Variants in TRDN observed in about 807,000 individuals in gnomAD.
The protein encoded by TRDN is triadin in skeletal muscle.
TRDN carries 161 observed loss-of-function variants against 149.7 expected under a neutral mutation model. The observed-to-expected ratio is 1.08, with a 90% CI of 0.95 to 1.23. TRDN has a LOEUF of 1.23. Ranked by LOEUF, TRDN falls within the 50% of genes most tolerant of loss-of-function variation. The pLI is 0.00. For synonymous variants in TRDN, 294 were observed against 250.5 expected (o/e 1.17, Z -1.64); for missense variants, 896 against 823.5 (o/e 1.09, Z -1.08).
intron 13 of TRDN, chr6:123,389,507 C>T (rs1401130125): frequency 6.6e-6 from 1 of 152,068 alleles, no homozygotes; most frequent in Non-Finnish European, 1.5e-5. Context: ...TCATCCTGAC[C>T]TTGTTATAAA....
chr6:123,539,067 T>TG (rs1358144456), intron 4 of TRDN, among the ~76,000 whole-genome samples: 1 of 152,168 alleles, frequency 6.6e-6, no homozygotes, highest in Non-Finnish European at 1.5e-5. Context: ...GAGAATTATC[T>TG]GGGGAGATTT....
chr6:123,591,389 G>A lies in TRDN; in HGVS notation c.23-20257C>T, dbSNP rs1016495012. ...GCCTCCTGAGTAGCTGGGATTACAG[G>A]CATGCCCCACCACGCCCAGCTAATT... On this transcript the variant is annotated intron_variant, in intron 1 of 40. Coordinates refer to ENST00000334268, the MANE Select transcript of TRDN (RefSeq NM_006073.4). Among the ~76,000 whole-genome samples, 8 of 152,164 alleles carry A rather than the reference G, an allele frequency of 5.3e-5. No homozygotes were observed. The Middle Eastern group carries it at 0.01, about 194-fold the overall frequency.
chr6:123,476,604 C>G (rs1414629089), intron 9 of TRDN, among the ~76,000 whole-genome samples: 1 of 148,146 alleles, frequency 6.8e-6, no homozygotes, highest in Non-Finnish European at 1.5e-5. Flanking sequence ...ATCGCCAAGT[C>G]AATCCTAAGC....
chr6:123,270,605 GTATGTA>G (rs1268109615), intron 30 of TRDN, among the ~76,000 whole-genome samples: 1 of 151,880 alleles, frequency 6.6e-6, no homozygotes, highest in Non-Finnish European at 1.5e-5. Context: ...AATTGCAAGA[GTATGTA>G]TCTTTTCTTT....
At chr6:123,441,120 A>G (rs1206364112) in intron 10 of TRDN, 1 of 152,178 alleles carries the variant, frequency 6.6e-6, no homozygotes, top group Non-Finnish European at 1.5e-5. Context: ...CATTTCCTCA[A>G]GCACTATTGT....
At chr6:123,404,065 A>C (rs947778978) in intron 12 of TRDN, among the ~76,000 whole-genome samples, 5 of 152,172 alleles carry the variant, frequency 3.3e-5, no homozygotes, top group Non-Finnish European at 5.9e-5. Context: ...CCACTTAATA[A>C]ATAGTTAAGA....
At chr6:123,557,633 G>A (rs1046337298) in intron 2 of TRDN, among the ~76,000 whole-genome samples, 25 of 152,154 alleles carry the variant, frequency 1.6e-4, no homozygotes, top group South Asian at 4.2e-4. Context: ...TTAATCACGC[G>A]GGGACAACTG....
chr6:123,552,474 T>C (rs1281450779), intron 2 of TRDN, among the ~76,000 whole-genome samples: 2 of 152,108 alleles, frequency 1.3e-5, no homozygotes, highest in Admixed American at 1.3e-4. Flanking sequence ...CCCTTCTTTA[T>C]TTTTCATATC....
intron 12 of TRDN, among the ~76,000 whole-genome samples, chr6:123,400,737 T>C (rs1010081105): frequency 6.6e-6 from 1 of 152,164 alleles, no homozygotes; most frequent in Non-Finnish European, 1.5e-5. Context: ...GATCTAAATA[T>C]AGCACTTAAA....
intron 4 of TRDN, among the ~76,000 whole-genome samples, chr6:123,533,411 G>GA (rs992559694): frequency 1.3e-5 from 2 of 152,036 alleles, no homozygotes; most frequent in Admixed American, 6.6e-5. Context: ...CATCTTGCCT[G>GA]AAAAAATCCT....
At chr6:123,296,629 C>T (rs1188977685) in intron 24 of TRDN, among the ~76,000 whole-genome samples, 1 of 151,304 alleles carries the variant, frequency 6.6e-6, no homozygotes, top group African/African-American at 2.4e-5. Flanking sequence ...AATTAGAGTT[C>T]ACAAACGTTC....
At chr6:123,613,296 A>T (rs970875646) in intron 1 of TRDN, among the ~76,000 whole-genome samples, 1 of 152,194 alleles carries the variant, frequency 6.6e-6, no homozygotes, top group African/African-American at 2.4e-5. Context: ...TCCAATTTCA[A>T]TTAAAATAAA....
intron 5 of TRDN, among the ~76,000 whole-genome samples, chr6:123,528,374 T>G (rs1452959453): frequency 6.6e-6 from 1 of 151,802 alleles, no homozygotes; most frequent in African/African-American, 2.4e-5. Flanking sequence ...AATATCATAT[T>G]GTCCCTTGAA....
At chr6:123,547,574 A>G (rs1399420710) in intron 3 of TRDN, among the ~76,000 whole-genome samples, 1 of 151,932 alleles carries the variant, frequency 6.6e-6, no homozygotes, top group African/African-American at 2.4e-5. Flanking sequence ...TTTCATTTTT[A>G]TGAATTCAAT....
intron 1 of TRDN, among the ~76,000 whole-genome samples, chr6:123,590,741 C>G (rs772016991): frequency 6.6e-6 from 1 of 151,744 alleles, no homozygotes; most frequent in African/African-American, 2.4e-5. Context: ...CCAGCCTGGG[C>G]GAAAGAGTGA....
chr6:123,380,243 C>T (rs1781662495), intron 16 of TRDN, among the ~76,000 whole-genome samples: 1 of 152,264 alleles, frequency 6.6e-6, no homozygotes, highest in South Asian at 2.1e-4. Flanking sequence ...TGCATCAGTG[C>T]CCTGAAGATT....
chr6:123,330,183 C>A (rs886297701), intron 23 of TRDN, among the ~76,000 whole-genome samples: 2 of 151,968 alleles, frequency 1.3e-5, no homozygotes, highest in Non-Finnish European at 2.9e-5. Flanking sequence ...TTCCTGTCTG[C>A]ACCTTTTAAA....
Position 123,437,381 on chromosome 6 carries a change from A to ATTTT in TRDN, c.1051+678_1051+681dup, listed in dbSNP as rs565538741. Reference sequence around the variant, plus strand: ...CTTTCTCTACTTTATTGAGATACAGATTTTTTTTTTTTTTTTTTTTTTTTT... The same window carrying ATTTT: ...CTTTCTCTACTTTATTGAGATACAGATTTTTTTTTTTTTTTTTTTTTTTTTTTTT... On this transcript the variant is annotated intron_variant, in intron 12 of 40. Coordinates refer to ENST00000334268, the MANE Select transcript of TRDN (RefSeq NM_006073.4). 272 of 186,472 alleles carry ATTTT rather than the reference A, an allele frequency of 1.5e-3. 3 individuals carry two copies. The highest frequency in any genetic ancestry group is 2.8e-3 in the African/African-American group (54 of 19,452). 11.6% of individuals were successfully genotyped at this position (186,472 alleles called of 1,614,324 possible). A position where few individuals can be genotyped will look rare whatever the true frequency, so the allele number is the denominator to read the frequency against.
In TRDN at chr6:123,416,006, C is replaced by G. The variant is rs1773634489; in HGVS notation, c.1051+22057G>C. On this transcript the variant is annotated intron_variant, in intron 12 of 40. Coordinates refer to ENST00000334268, the MANE Select transcript of TRDN (RefSeq NM_006073.4). The stretch of plus-strand genomic sequence containing the variant: ...AAATGTTTTTGGTTTTGCAAATACT[C>G]CAGGATGGAGTATGACGTTCACAAC... Among the ~76,000 whole-genome samples, 7 of 152,180 alleles carry G rather than the reference C, an allele frequency of 4.6e-5. No homozygotes were observed. The South Asian group carries it at 1.5e-3, about 32-fold the overall frequency.
Sources: allele counts gnomAD v4.1 joint callset (sites outside exome capture counted in the v4.1 genomes callset), GRCh38; gene constraint gnomAD v4.1.1; transcripts MANE v1.5; gene names NCBI Gene and HGNC (gene_info 2026-07-23, HGNC 2026-07-21).